Variants in SVIL observed in about 807,000 individuals in gnomAD.
The protein encoded by SVIL is archvillin.
Under a neutral mutation model 240.4 loss-of-function variants are expected in SVIL, and 101 were observed. That is an observed-to-expected ratio of 0.42 (90% CI 0.36 to 0.50). The LOEUF is 0.50. Ranked by LOEUF, SVIL falls within the 20% of genes least tolerant of loss-of-function variation. SVIL has a pLI of 0.01. For missense variants in SVIL, 2,512 were observed against 2,818.7 expected, an observed-to-expected ratio of 0.89 and a Z score of 2.46; for synonymous variants, 999 against 1,100.0, an observed-to-expected ratio of 0.91 and a Z score of 1.82.
chr10:29,678,866 A>ATCT (rs1192602194), intron 2 of SVIL, among the ~76,000 whole-genome samples: 1 of 152,164 alleles, frequency 6.6e-6, no homozygotes, highest in Admixed American at 6.5e-5. Flanking sequence ...CTGCATGACC[A>ATCT]TCTCCCAGCA....
At chr10:29,728,713 T>C (rs1055847056) in intron 1 of SVIL, among the ~76,000 whole-genome samples, 5 of 152,080 alleles carry the variant, frequency 3.3e-5, no homozygotes, top group African/African-American at 1.2e-4. Flanking sequence ...AAAGGTGAGC[T>C]AGCAGCATGG....
chr10:29,714,190 G>C (rs1402348579), intron 1 of SVIL, among the ~76,000 whole-genome samples: 1 of 152,202 alleles, frequency 6.6e-6, no homozygotes, highest in Non-Finnish European at 1.5e-5. Context: ...TGCCATTTCA[G>C]AGGGCCATTC....
At chr10:29,502,216 A>G (rs192459031) in intron 17 of SVIL, among the ~76,000 whole-genome samples, 114 of 152,316 alleles carry the variant, frequency 7.5e-4, no homozygotes, top group African/African-American at 2.6e-3. Context: ...TAGTAGGGTT[A>G]GCTTAGGACC....
At position 29,550,787 on chromosome 10, in the gene SVIL, C is replaced by A; in HGVS notation, c.637G>T (p.Ala213Ser). Residue 213 changes from alanine (A) to serine (S), a missense_variant, in exon 6 of 38, where the codon GCC becomes TCC. Ala to Ser is a moderately conservative substitution (Grantham distance 99, BLOSUM62 1). Around this residue, in one of 3 missense-constraint regions of SVIL, gnomAD observed 1,443 missense variants for 1,486.6 expected, o/e 0.97. Transcript: ENST00000355867. ...GACAGGTCATGGGCCTGCCGGGTGGCACTCAGCTCTTGACCTCGTCTTTGG... is the reference window on the plus strand; with the variant it reads ...GACAGGTCATGGGCCTGCCGGGTGGAACTCAGCTCTTGACCTCGTCTTTGG... ...ENQRRGQELS[A>S]TRQAHDLSPA... 6.2e-7 allele frequency: 1 copy of A among 1,614,128 alleles called. No homozygotes were observed. Among genetic ancestry groups the A allele is most frequent in the Non-Finnish European group, 8.5e-7 (1 of 1,180,026 alleles).
At chr10:29,708,281 T>A (rs1323841078) in intron 1 of SVIL, among the ~76,000 whole-genome samples, 185 of 104,206 alleles carry the variant, frequency 1.8e-3, no homozygotes, top group African/African-American at 4.8e-3. Flanking sequence ...AAAAAAAAAA[T>A]GTACAAATTT....
intron 1 of SVIL, among the ~76,000 whole-genome samples, chr10:29,729,450 G>GGTGTGTGTGT (rs55940009): frequency 3.5e-4 from 48 of 136,780 alleles, no homozygotes; most frequent in South Asian, 1.2e-3. Flanking sequence ...TGTTTATGGA[G>GGTGTGTGTGT]GTGTGTGTGT....
rs372052095 is a variant in SVIL, at chr10:29,532,536, G to T, written c.1831C>A (p.Pro611Thr). The T allele has an allele frequency of 2.9e-5, 46 of 1,608,056 alleles. No individual in the cohort carries two copies. In the East Asian group the frequency reaches 7.6e-4, roughly 27 times the overall value. Residue 611 changes from proline (P) to threonine (T), a missense_variant, in exon 8 of 38, where the codon CCT becomes ACT. Physicochemically the swap from Pro to Thr is conservative, Grantham distance 38. Coordinates refer to ENST00000355867, the MANE Select transcript of SVIL (RefSeq NM_021738.3). ...GTGTGAAGCATCACCTACAGTTCAG[G>T]TCTCCTGCAGGCGTTGGCAGATGCC... The part of the protein sequence containing the change: ...FLASANACRR[P>T]ELKSRVERSA...
At chr10:29,599,566 C>T (rs1042359362) in intron 1 of SVIL, among the ~76,000 whole-genome samples, 2 of 152,072 alleles carry the variant, frequency 1.3e-5, no homozygotes, top group African/African-American at 2.4e-5. Flanking sequence ...CGGGTATGTG[C>T]CACCACAGCC....
chr10:29,478,503 C>A (rs547990177), intron 29 of SVIL, among the ~76,000 whole-genome samples: 1 of 152,150 alleles, frequency 6.6e-6, no homozygotes, highest in Non-Finnish European at 1.5e-5. Context: ...GACAGAGTAA[C>A]TTTACCCAGC....
rs1961316728 is a variant in SVIL, at chr10:29,689,282, T to C, written c.-399-2631A>G. On this transcript the variant is annotated intron_variant, in intron 1 of 35. Coordinates refer to the SVIL transcript ENST00000375400. ...ATCTCCCCGACTCATGAGTCTCTTT[T>C]CTTTGTTTTCTTTTTTTTTTGAGAC... 2.6e-5 allele frequency among the ~76,000 whole-genome samples: 4 copies of C among 152,028 alleles called. No individual in the cohort carries two copies. In the South Asian group the frequency reaches 8.3e-4, roughly 32 times the overall value.
At chr10:29,590,923 A>G (rs1956366616) in intron 1 of SVIL, among the ~76,000 whole-genome samples, 1 of 152,256 alleles carries the variant, frequency 6.6e-6, no homozygotes, top group Non-Finnish European at 1.5e-5. Context: ...CACTCCAAAT[A>G]GAAACCCTGA....
chr10:29,557,530 G>A (rs544764887), intron 3 of SVIL, among the ~76,000 whole-genome samples: 1 of 152,208 alleles, frequency 6.6e-6, no homozygotes, highest in African/African-American at 2.4e-5. Context: ...AGAGACTGCT[G>A]AAAATCACTT....
chr10:29,678,942 A>G (rs1960412174), intron 2 of SVIL, among the ~76,000 whole-genome samples: 1 of 152,230 alleles, frequency 6.6e-6, no homozygotes, highest in Admixed American at 6.5e-5. Context: ...ACAGTGGCTC[A>G]TGCCTGTAAT....
At chr10:29,629,166 A>G (rs374277975) in intron 1 of SVIL, among the ~76,000 whole-genome samples, 16 of 152,112 alleles carry the variant, frequency 1.1e-4, no homozygotes, top group African/African-American at 3.9e-4. Context: ...TTTTCAACAC[A>G]AGGAGAAGCC....
In SVIL at chr10:29,550,668, G is replaced by A. The variant is rs201747767; in HGVS notation, c.756C>T (p.Ser252=). Residue 252 remains serine, a synonymous_variant, in exon 6 of 38, where the codon TCC becomes TCT. Transcript: ENST00000355867. The part of the protein sequence containing the change: ...VPRSPKHAHS[S]SLQQAASRSP... Reference sequence around the variant, plus strand: ...TCCGGGAGGCTGCCTGCTGCAGGGAGGAGCTGTGGGCGTGCTTGGGGGACC... The same window carrying A: ...TCCGGGAGGCTGCCTGCTGCAGGGAAGAGCTGTGGGCGTGCTTGGGGGACC... The A allele has an allele frequency of 6.0e-4, 974 of 1,614,028 alleles. 7 individuals carry two copies. In the South Asian group the frequency reaches 6.2e-3, roughly 10 times the overall value.
At chr10:29,578,773 A>G (rs1298223482) in intron 1 of SVIL, among the ~76,000 whole-genome samples, 12 of 152,238 alleles carry the variant, frequency 7.9e-5, no homozygotes, top group Admixed American at 3.9e-4. Flanking sequence ...TGAATGGATC[A>G]ATCAATCAAA....
At chr10:29,542,998 T>C (rs1952303703) in intron 6 of SVIL, among the ~76,000 whole-genome samples, 3 of 152,124 alleles carry the variant, frequency 2.0e-5, no homozygotes, top group South Asian at 4.1e-4. Context: ...ACTCACGATA[T>C]GATAATGAGA....
upstream of SVIL, among the ~76,000 whole-genome samples, chr10:29,635,249 A>G (rs1318433439): frequency 3.3e-5 from 5 of 152,216 alleles, no homozygotes; most frequent in Non-Finnish European, 5.9e-5. Context: ...TTAGGCTAAA[A>G]AAAGAGCACA....
At chr10:29,519,092 G>A (rs1212789997) in intron 16 of SVIL, among the ~76,000 whole-genome samples, 2 of 148,174 alleles carry the variant, frequency 1.3e-5, no homozygotes, top group Non-Finnish European at 3.0e-5. Context: ...CTGAGACTCT[G>A]AAATGTGAAC....
Sources: allele counts gnomAD v4.1 joint callset (sites outside exome capture counted in the v4.1 genomes callset), GRCh38; gene constraint gnomAD v4.1.1; regional missense constraint gnomAD v4.1.1; transcripts MANE v1.5; gene names NCBI Gene and HGNC (gene_info 2026-07-23, HGNC 2026-07-21).